THSD7A: variants seen among roughly 807,000 people sequenced by gnomAD.
THSD7A encodes the protein thrombospondin type 1 domain containing 7A.
A neutral mutation model predicts 231.3 loss-of-function variants in THSD7A; 96 were observed. The observed-to-expected ratio is 0.41, with a 90% confidence interval of 0.35 to 0.49. The LOEUF (loss-of-function observed/expected upper bound fraction) is 0.49. Ranked by LOEUF, THSD7A falls within the 20% of genes least tolerant of loss-of-function variation. The probability of loss-of-function intolerance (pLI) is 0.05; values close to 1 mark genes in which losing one functional copy is unlikely to be tolerated. For missense variants in THSD7A, 2,290 were observed against 2,070.2 expected (o/e 1.11, Z -2.06); for synonymous variants, 940 against 743.3 (o/e 1.26, Z -4.30).
At position 11,379,863 on chromosome 7, in the gene THSD7A, C is replaced by T. The variant is rs936331285; in HGVS notation, c.4508-151G>A. On this transcript the variant is annotated intron_variant, in intron 24 of 27. Transcript: ENST00000423059. ...GTTGACTGTGAAATATTTGGTTAAC[C>T]TTGACCACCTTATGTAGTGACTCCA... 53 of 800,364 alleles carry T rather than the reference C, an allele frequency of 6.6e-5. No individual in the cohort carries two copies. In the Admixed American group the frequency reaches 9.4e-4, roughly 14 times the overall value. 49.6% of individuals were successfully genotyped at this position (800,364 alleles called of 1,614,324 possible).
At chr7:11,400,300 T>G (rs1246804898) in intron 23 of THSD7A, among the ~76,000 whole-genome samples, 1 of 152,234 alleles carries the variant, frequency 6.6e-6, no homozygotes, top group African/African-American at 2.4e-5. Flanking sequence ...CCTTAGAACT[T>G]AAAGTATAAT....
At chr7:11,555,787 T>C (rs1386728157) in intron 4 of THSD7A, among the ~76,000 whole-genome samples, 1 of 151,814 alleles carries the variant, frequency 6.6e-6, no homozygotes, top group East Asian at 1.9e-4. Flanking sequence ...TCCTTTGCCT[T>C]CTTGGTGGAT....
At chr7:11,828,364 G>C (rs1377284166) in intron 1 of THSD7A, among the ~76,000 whole-genome samples, 1 of 152,034 alleles carries the variant, frequency 6.6e-6, no homozygotes, top group Non-Finnish European at 1.5e-5. Context: ...TCTCTGCTTA[G>C]AATGGCCTTC....
chr7:11,655,129 T>A (rs923556050), intron 1 of THSD7A, among the ~76,000 whole-genome samples: 15 of 151,878 alleles, frequency 9.9e-5, no homozygotes, highest in African/African-American at 3.6e-4. Flanking sequence ...TAGGAGCCTA[T>A]AATTCAGATG....
intron 4 of THSD7A, among the ~76,000 whole-genome samples, chr7:11,570,846 GT>G (rs1790596122): frequency 6.6e-6 from 1 of 152,190 alleles, no homozygotes; most frequent in African/African-American, 2.4e-5. Flanking sequence ...TGGGGGACCA[GT>G]TGGCATGAAA....
At chr7:11,578,460 T>C (rs1190732051) in intron 4 of THSD7A, among the ~76,000 whole-genome samples, 1 of 152,176 alleles carries the variant, frequency 6.6e-6, no homozygotes, top group Non-Finnish European at 1.5e-5. Flanking sequence ...TTAAAAGATA[T>C]TTCCAAAGAA....
chr7:11,429,130 G>C lies in THSD7A; in HGVS notation c.3065-5C>G. ...TGCAGGCCTCCTCAATGTAACCTGA[G>C]TAGAGGAAAATGAGACAAGAATCAT... On this transcript the variant is annotated splice_region_variant and splice_polypyrimidine_tract_variant and intron_variant, in intron 13 of 27. Coordinates refer to ENST00000423059, the MANE Select transcript of THSD7A (RefSeq NM_015204.3). 1 of 1,560,518 alleles carries C rather than the reference G, an allele frequency of 6.4e-7. No homozygotes were observed. The highest frequency in any genetic ancestry group is 8.6e-7 in the Non-Finnish European group (1 of 1,157,560).
At chr7:11,467,298 C>G (rs1445878999) in intron 9 of THSD7A, among the ~76,000 whole-genome samples, 1 of 152,022 alleles carries the variant, frequency 6.6e-6, no homozygotes, top group Non-Finnish European at 1.5e-5. Flanking sequence ...TATTCCATTC[C>G]CTTCCTTAGA....
At chr7:11,646,461 C>G (rs1161833715) in intron 1 of THSD7A, among the ~76,000 whole-genome samples, 1 of 151,944 alleles carries the variant, frequency 6.6e-6, no homozygotes, top group Non-Finnish European at 1.5e-5. Flanking sequence ...TAGCAACTAG[C>G]AAATCTAGTA....
intron 6 of THSD7A, among the ~76,000 whole-genome samples, chr7:11,526,798 T>C (rs993520246): frequency 1.3e-5 from 2 of 152,190 alleles, no homozygotes; most frequent in African/African-American, 4.8e-5. Context: ...TCTTCAGGTA[T>C]GTGGAACTAT....
intron 1 of THSD7A, among the ~76,000 whole-genome samples, chr7:11,659,536 C>T (rs1469170710): frequency 6.6e-6 from 1 of 151,310 alleles, no homozygotes; most frequent in Admixed American, 6.6e-5. Context: ...GATCTCTTCC[C>T]TATTATTATT....
intron 2 of THSD7A, among the ~76,000 whole-genome samples, chr7:11,597,735 G>A (rs1265608244): frequency 2.0e-5 from 3 of 152,172 alleles, no homozygotes; most frequent in Admixed American, 6.6e-5. Context: ...TGTACTGGGT[G>A]CTTTCTGACC....
chr7:11,682,891 G>A (rs573403611), intron 1 of THSD7A, among the ~76,000 whole-genome samples: 106 of 151,880 alleles, frequency 7.0e-4, no homozygotes, highest in African/African-American at 2.5e-3. Flanking sequence ...AAAAATCACC[G>A]AGGCTGCTGG....
intron 1 of THSD7A, among the ~76,000 whole-genome samples, chr7:11,719,256 C>CT (rs11372138): frequency 0.021 from 3,179 of 151,728 alleles, 116 homozygotes; most frequent in African/African-American, 0.073. Context: ...CATATGGTCT[C>CT]TGTTTCCTCC....
chr7:11,390,388 T>C (rs1782933309), intron 23 of THSD7A, among the ~76,000 whole-genome samples: 1 of 152,248 alleles, frequency 6.6e-6, no homozygotes, highest in Non-Finnish European at 1.5e-5. Context: ...TTCTGCTTTA[T>C]TGATTTGGCT....
chr7:11,654,241 C>T (rs1782622650), intron 1 of THSD7A, among the ~76,000 whole-genome samples: 1 of 151,106 alleles, frequency 6.6e-6, no homozygotes, highest in South Asian at 2.1e-4. Flanking sequence ...AGCTTAGAAA[C>T]TATGGCAAAT....
At chr7:11,652,899 A>G (rs141405222) in intron 1 of THSD7A, among the ~76,000 whole-genome samples, 253 of 152,094 alleles carry the variant, frequency 1.7e-3, no homozygotes, top group African/African-American at 5.7e-3. Context: ...ACTCAAAGCT[A>G]TAGGATTCTA....
At chr7:11,383,535 G>C (rs1221252707) in intron 23 of THSD7A, among the ~76,000 whole-genome samples, 2 of 151,866 alleles carry the variant, frequency 1.3e-5, no homozygotes, top group African/African-American at 4.8e-5. Context: ...CCTGCAAAAG[G>C]TGACAATTTA....
intron 23 of THSD7A, among the ~76,000 whole-genome samples, chr7:11,388,324 T>C (rs770991068): frequency 8.5e-5 from 13 of 152,192 alleles, no homozygotes; most frequent in Admixed American, 5.9e-4. Flanking sequence ...CATCTGGTCC[T>C]GGACTTTTTG....
Sources: allele counts gnomAD v4.1 joint callset (sites outside exome capture counted in the v4.1 genomes callset), GRCh38; gene constraint gnomAD v4.1.1; transcripts MANE v1.5; gene names NCBI Gene and HGNC (gene_info 2026-07-23, HGNC 2026-07-21).